The following TOP3A variants were observed in gnomAD, a reference collection of about 807,000 sequenced individuals.
The protein encoded by TOP3A is DNA topoisomerase III alpha.
Under a neutral mutation model 111.3 loss-of-function variants are expected in TOP3A, and 64 were observed. The observed-to-expected ratio is 0.57, with a 90% CI of 0.47 to 0.71. The LOEUF (loss-of-function observed/expected upper bound fraction) is 0.71, where lower values mean the gene tolerates loss of function less well. TOP3A is among the 30% of genes least tolerant of loss of function. The pLI, the probability that TOP3A is intolerant of heterozygous loss-of-function variation, is 0.00. For synonymous variants in TOP3A, 484 were observed against 485.1 expected, an observed-to-expected ratio of 1.00 and a Z score of 0.03; for missense variants, 1,104 against 1,285.0, an observed-to-expected ratio of 0.86 and a Z score of 2.15.
rs1193329811 is a variant in TOP3A at position 18,290,857 on chromosome 17, A to G, written c.1452T>C (p.Asp484=). Residue 484 remains aspartate (D), a synonymous_variant, in exon 12 of 19, where the codon GAT becomes GAC. Coordinates refer to ENST00000321105, the MANE Select transcript of TOP3A (RefSeq NM_004618.5). ...ARNYLDVYPY[D]HWSDKILPVY... is the part of the protein sequence containing the mutation. The stretch of plus-strand genomic sequence containing the variant: ...TCTTTATTACCTTGTCACTCCAGTG[A>G]TCATATGGATACACATCCAGATAGT... 1 of 1,614,180 alleles carries G rather than the reference A, an allele frequency of 6.2e-7. No individual in the cohort carries two copies. The highest frequency in any genetic ancestry group is 1.3e-5 in the African/African-American group (1 of 75,034).
rs867062242 is a variant in TOP3A, at chr17:18,298,816, A to G, written c.990+743T>C. Among the ~76,000 whole-genome samples the G allele has an allele frequency of 1.7e-4, 26 of 152,340 alleles. No homozygotes were observed. In the South Asian group the frequency reaches 1.9e-3, roughly 11 times the overall value. On this transcript the variant is annotated intron_variant, in intron 9 of 18. Coordinates refer to ENST00000321105, the MANE Select transcript of TOP3A (RefSeq NM_004618.5). ...ACTCAGGGTTGAATGAATTAAGGGC[A>G]GTGCAAGATGTGCTTTGTTAAACAG... is the stretch of plus-strand genomic sequence containing the variant.
At chr17:18,287,912 C>T (rs1030156860) in intron 13 of TOP3A, among the ~76,000 whole-genome samples, 1 of 151,484 alleles carries the variant, frequency 6.6e-6, no homozygotes, top group African/African-American at 2.4e-5. Flanking sequence ...ACAGGAGAAT[C>T]GCTTGAACCT....
intron 13 of TOP3A, among the ~76,000 whole-genome samples, chr17:18,285,784 C>T (rs935719208): frequency 6.6e-6 from 1 of 152,146 alleles, no homozygotes; most frequent in African/African-American, 2.4e-5. Context: ...CCCATGTGTC[C>T]AAGCCATACT....
At chr17:18,287,012 G>A (rs1980146197) in intron 13 of TOP3A, among the ~76,000 whole-genome samples, 1 of 152,132 alleles carries the variant, frequency 6.6e-6, no homozygotes, top group African/African-American at 2.4e-5. Context: ...TCGAACTCCT[G>A]ACCTCAAGTG....
chr17:18,275,125 C>T (rs1979259748), intron 18 of TOP3A, 145 bp from the exon 19 acceptor site: 1 of 1,257,336 alleles, frequency 8.0e-7, no homozygotes, highest in South Asian at 1.5e-5. Context: ...TCAAGATCAG[C>T]CTGGGCAACA....
chr17:18,297,380 G>A (rs1237634641), intron 9 of TOP3A, among the ~76,000 whole-genome samples: 1 of 152,126 alleles, frequency 6.6e-6, no homozygotes, highest in South Asian at 2.1e-4. Context: ...AGCTGAGACC[G>A]CACCATTGCA....
At chr17:18,309,709 C>CTT (rs749580212) in intron 1 of TOP3A, among the ~76,000 whole-genome samples, 3,895 of 128,744 alleles carry the variant, frequency 0.03, 252 homozygotes, top group African/African-American at 0.1. Context: ...TATAGAAGTT[C>CTT]TTTTTTTTTT....
Position 18,274,519 on chromosome 17 carries a change from C to T in TOP3A, c.*283G>A. ...TGGGACTGCACCAATCCTCTGCTAA[C>T]AGCAACCATCCTTGGGGGGTCCGAG... On this transcript the variant is annotated 3_prime_UTR_variant, in exon 19 of 19. Coordinates refer to ENST00000321105, the MANE Select transcript of TOP3A (RefSeq NM_004618.5). 1 of 285,814 alleles carries T rather than the reference C, an allele frequency of 3.5e-6. No individual in the cohort carries two copies. Among genetic ancestry groups the T allele is most frequent in the South Asian group, 9.5e-5 (1 of 10,554 alleles). The allele number at this position is 285,814 out of a possible 1,614,324, so 17.7% of individuals were successfully genotyped here. A position where few individuals can be genotyped will look rare whatever the true frequency, so the allele number is the denominator to read the frequency against.
chr17:18,309,455 C>G (rs1157923323), intron 1 of TOP3A, among the ~76,000 whole-genome samples: 1 of 151,958 alleles, frequency 6.6e-6, no homozygotes, highest in Non-Finnish European at 1.5e-5. Flanking sequence ...CCAGCCTGGC[C>G]AACATGGTGA....
chr17:18,301,574 T>C lies in TOP3A; in HGVS notation c.915+311A>G, dbSNP rs1981229432. 2.6e-5 allele frequency among the ~76,000 whole-genome samples: 4 copies of C among 152,274 alleles called. No homozygotes were observed. The South Asian group carries it at 8.3e-4, about 31-fold the overall frequency. ...AATGCTGTTCATTCTCTCCTAGCTC[T>C]ATAAGTCAATGACCTGGACTGGTCT... is the stretch of plus-strand genomic sequence containing the variant. On this transcript the variant is annotated intron_variant, in intron 8 of 18. Transcript: ENST00000321105.
intron 6 of TOP3A, 43 bp downstream of exon 6, chr17:18,302,537 C>A (rs1981300364): frequency 6.2e-7 from 1 of 1,603,136 alleles, no homozygotes; most frequent in Admixed American, 1.7e-5. Flanking sequence ...TCCCATAACA[C>A]AACATTAATG....
Position 18,302,689 on chromosome 17 carries a change from G to C in TOP3A, c.534C>G (p.Phe178Leu). 6.2e-7 allele frequency: 1 copy of C among 1,614,106 alleles called. No individual in the cohort carries two copies. Among genetic ancestry groups the C allele is most frequent in the Non-Finnish European group, 8.5e-7 (1 of 1,179,984 alleles). Residue 178 changes from phenylalanine to leucine, a missense_variant, in exon 6 of 19, where the codon TTC (phenylalanine) becomes TTG (leucine). Coordinates refer to ENST00000321105, the MANE Select transcript of TOP3A (RefSeq NM_004618.5). ...KPNLQVLRAR[F>L]SEITPHAVRT... ...TGACGGCATGGGGTGTGATCTCAGA[G>C]AATCGGGCTCGCAACACCTGCAGAT...
At chr17:18,275,560 C>T (rs1015419785) in intron 18 of TOP3A, among the ~76,000 whole-genome samples, 3 of 151,206 alleles carry the variant, frequency 2.0e-5, no homozygotes, top group African/African-American at 7.3e-5. Flanking sequence ...AGACGGGTTT[C>T]ATCATGTTAG....
At chr17:18,299,052 A>T (rs987351556) in intron 9 of TOP3A, among the ~76,000 whole-genome samples, 7 of 151,632 alleles carry the variant, frequency 4.6e-5, no homozygotes, top group Non-Finnish European at 8.8e-5. Flanking sequence ...ATGATCAATT[A>T]AAAAAAATAA....
chr17:18,305,089 T>TCAG (rs749131700), intron 5 of TOP3A, 23 bp downstream of exon 5: 603 of 1,592,182 alleles, frequency 3.8e-4, no homozygotes, highest in Non-Finnish European at 4.4e-4. Context: ...GTAGAGAAAG[T>TCAG]CAGCAGCAGC....
chr17:18,275,344 CTTTTTTTTTTTTTT>C (rs71155327), intron 18 of TOP3A, among the ~76,000 whole-genome samples: 1 of 77,142 alleles, frequency 1.3e-5, no homozygotes, highest in Non-Finnish European at 2.2e-5. Context: ...GCTGAACCAA[CTTTTTTTTTTTTTT>C]TTTTTTTTTT....
chr17:18,295,490 T>G (rs1980739826), intron 9 of TOP3A, among the ~76,000 whole-genome samples: 1 of 151,380 alleles, frequency 6.6e-6, no homozygotes, highest in Non-Finnish European at 1.5e-5. Context: ...CGAGACAGTC[T>G]CGCTCTTGTT....
chr17:18,285,070 C>T, intron 15 of TOP3A, 72 bp downstream of exon 15: 1 of 1,561,248 alleles, frequency 6.4e-7, no homozygotes, highest in Non-Finnish European at 8.7e-7. Flanking sequence ...GGGAAGATCT[C>T]TTGAGGCCAG....
At chr17:18,300,712 C>T (rs183428669) in intron 8 of TOP3A, among the ~76,000 whole-genome samples, 10 of 152,140 alleles carry the variant, frequency 6.6e-5, no homozygotes, top group Admixed American at 2.6e-4. Context: ...GGTACCACCA[C>T]GCCCAGCTAA....
Sources: allele counts gnomAD v4.1 joint callset (sites outside exome capture counted in the v4.1 genomes callset), GRCh38; gene constraint gnomAD v4.1.1; transcripts MANE v1.5; gene names NCBI Gene and HGNC (gene_info 2026-07-23, HGNC 2026-07-21).